The following EPN1 variants were observed in gnomAD, a reference collection of about 807,000 sequenced individuals.
EPN1 encodes epsin-1.
In EPN1, 25 loss-of-function variants were observed where a neutral mutation model predicts 56.9. The ratio of observed to expected loss-of-function variants is 0.44; its 90% CI spans 0.32 to 0.61. The LOEUF is 0.61. EPN1 is among the 20% of genes least tolerant of loss of function. The probability of loss-of-function intolerance (pLI) is 0.05; values close to 1 mark genes in which losing one functional copy is unlikely to be tolerated. For synonymous variants in EPN1, 411 were observed against 361.8 expected, an observed-to-expected ratio of 1.14 and a Z score of -1.54; for missense variants, 785 against 823.7, an observed-to-expected ratio of 0.95 and a Z score of 0.58.
rs1987323071 is a variant in EPN1, at chr19:55,704,931, TG to T, written c.*9577del. 1 of 152,230 alleles carries T rather than the reference TG, an allele frequency of 6.6e-6. No homozygotes were observed. The highest frequency in any genetic ancestry group is 1.5e-5 in the Non-Finnish European group (1 of 68,074). The allele number at this position is 152,230 out of a possible 1,614,324, so 9.4% of individuals were successfully genotyped here. ...ACATCATCCACTTCCCAAGCATCTC[TG>T]GCTGAATGCTGTTCTCATCCACTTC... On this transcript the variant is annotated 3_prime_UTR_variant, in exon 11 of 11. Transcript: ENST00000270460.
chr19:55,680,913 C>T (rs1031473862), intron 2 of EPN1: 10 of 152,484 alleles, frequency 6.6e-5, no homozygotes, highest in Non-Finnish European at 1.3e-4. Flanking sequence ...ACCATCCCTT[C>T]GCCACATGGT....
rs1331005532 is a variant in EPN1 at position 55,709,142 on chromosome 19, C to A, written c.*13786C>A. 2.5e-6 allele frequency: 2 copies of A among 796,652 alleles called. No individual in the cohort carries two copies. The highest frequency in any genetic ancestry group is 3.8e-5 in the Admixed American group (1 of 26,026). The allele number at this position is 796,652 out of a possible 1,614,324, so 49.3% of individuals were successfully genotyped here. A position where few individuals can be genotyped will look rare whatever the true frequency, so the allele number is the denominator to read the frequency against. The stretch of plus-strand genomic sequence containing the variant: ...GTCTACCTCTCCTCTCCTCTTTATT[C>A]TTTCCTAGAAATCACTGGGAGAATT... On this transcript the variant is annotated 3_prime_UTR_variant, in exon 11 of 11. Coordinates refer to ENST00000270460, the MANE Select transcript of EPN1 (RefSeq NM_001130072.2).
In EPN1 at chr19:55,702,072, G is replaced by C. The variant is rs976337271; in HGVS notation, c.*6716G>C. 1 of 148,562 alleles carries C rather than the reference G, an allele frequency of 6.7e-6. No individual in the cohort carries two copies. The highest frequency in any genetic ancestry group is 1.5e-5 in the Non-Finnish European group (1 of 67,768). 9.2% of individuals were successfully genotyped at this position (148,562 alleles called of 1,614,324 possible). ...CGCCTCCCAGGTTCAAGCAATTCTC[G>C]TGCCTCAGCCTCCCGCGTAGTCGGG... On this transcript the variant is annotated 3_prime_UTR_variant, in exon 11 of 11. Transcript: ENST00000270460.
chr19:55,689,448 C>T lies in EPN1; in HGVS notation c.678+77C>T. 1 of 1,103,232 alleles carries T rather than the reference C, an allele frequency of 9.1e-7. No homozygotes were observed. Among genetic ancestry groups the T allele is most frequent in the East Asian group, 2.6e-5 (1 of 38,720 alleles). 68.3% of individuals were successfully genotyped at this position (1,103,232 alleles called of 1,614,324 possible). On this transcript the variant is annotated intron_variant, in intron 5 of 10. Coordinates refer to ENST00000270460, the MANE Select transcript of EPN1 (RefSeq NM_001130072.2). This position sits in a 1 kb window ranked among gnomAD's most constrained non-coding sequence, Gnocchi z 5.7. The stretch of plus-strand genomic sequence containing the variant: ...GCCCCGTCGCCCCTTCCTAAGTCAC[C>T]CCCCACCATCCTGCTGGGCCCGAAG...
chr19:55,675,969 A>T (rs1437270382), intron 1 of EPN1, among the ~76,000 whole-genome samples: 1 of 151,704 alleles, frequency 6.6e-6, no homozygotes, highest in East Asian at 1.9e-4. Context: ...CCTTTTCCCC[A>T]GTTTTCTGAG....
In EPN1 at chr19:55,709,147, C is replaced by T. The variant is rs1370497864; in HGVS notation, c.*13791C>T. 1.8e-5 allele frequency: 13 copies of T among 731,116 alleles called. No homozygotes were observed. The highest frequency in any genetic ancestry group is 5.0e-5 in the South Asian group (2 of 40,036). The allele number at this position is 731,116 out of a possible 1,614,324, so 45.3% of individuals were successfully genotyped here. On this transcript the variant is annotated 3_prime_UTR_variant, in exon 11 of 11. Coordinates refer to ENST00000270460, the MANE Select transcript of EPN1 (RefSeq NM_001130072.2). ...CCTCTCCTCTCCTCTTTATTCTTTCCTAGAAATCACTGGGAGAATTGTACT... is the reference window on the plus strand; with the variant it reads ...CCTCTCCTCTCCTCTTTATTCTTTCTTAGAAATCACTGGGAGAATTGTACT...
In EPN1 at chr19:55,686,558, A is replaced by G. The variant is rs985656684; in HGVS notation, c.478+913A>G. Among the ~76,000 whole-genome samples, 19 of 152,212 alleles carry G rather than the reference A, an allele frequency of 1.2e-4. 1 individual carries two copies. The highest frequency in any genetic ancestry group is 1.2e-3 in the Admixed American group (19 of 15,282). ...GGACTGGACTTGTTTGGGGAAGTCT[A>G]GGCCTTCTGTTTGGACGGGTCTCAT... On this transcript the variant is annotated intron_variant, in intron 3 of 10. Coordinates refer to ENST00000270460, the MANE Select transcript of EPN1 (RefSeq NM_001130072.2).
chr19:55,688,849 C>G, intron 3 of EPN1, 21 bp from the exon 4 acceptor site: 3 of 1,569,576 alleles, frequency 1.9e-6, no homozygotes, highest in South Asian at 2.3e-5. Flanking sequence ...GGGTCTCACG[C>G]GTTTCTCACC....
At chr19:55,686,687 G>A (rs897699713) in intron 3 of EPN1, among the ~76,000 whole-genome samples, 8 of 152,128 alleles carry the variant, frequency 5.3e-5, no homozygotes, top group Admixed American at 1.3e-4. Flanking sequence ...GTAGATGGGC[G>A]TGAACGCAGA....
rs1290100835 is a variant in EPN1, at chr19:55,675,387, A to G, written c.-150A>G. On this transcript the variant is annotated 5_prime_UTR_variant, in exon 1 of 11. Coordinates refer to ENST00000270460, the MANE Select transcript of EPN1 (RefSeq NM_001130072.2). ...CCGCGACACCGAGGCCGAGCGGGGC[A>G]GGGGGCTGACCGCCATGACCCCCCA... 2.0e-5 allele frequency: 3 copies of G among 151,224 alleles called. No individual in the cohort carries two copies. The highest frequency in any genetic ancestry group is 3.9e-4 in the East Asian group (2 of 5,112). The allele number at this position is 151,224 out of a possible 1,614,324, so 9.4% of individuals were successfully genotyped here. A position where few individuals can be genotyped will look rare whatever the true frequency, so the allele number is the denominator to read the frequency against.
chr19:55,681,280 G>C (rs1353158540), intron 2 of EPN1, among the ~76,000 whole-genome samples: 1 of 152,174 alleles, frequency 6.6e-6, no homozygotes, highest in South Asian at 2.1e-4. Flanking sequence ...TGAAATCCAC[G>C]GTTACCCTGT....
At chr19:55,685,704 C>G in intron 3 of EPN1, 59 bp downstream of exon 3, 1 of 1,530,286 alleles carries the variant, frequency 6.5e-7, no homozygotes, top group Admixed American at 2.0e-5. Context: ...TACTGCGGCT[C>G]CCGGCACCCG....
intron 3 of EPN1, among the ~76,000 whole-genome samples, chr19:55,686,734 G>A (rs897269733): frequency 3.9e-5 from 6 of 152,082 alleles, no homozygotes; most frequent in South Asian, 2.1e-4. Flanking sequence ...CCGGTGTGGC[G>A]TGGGAGTGCT....
At position 55,694,414 on chromosome 19, in the gene EPN1, C is replaced by T. The variant is rs746143673; in HGVS notation, c.1265-312C>T. 24 of 315,346 alleles carry T rather than the reference C, an allele frequency of 7.6e-5. No individual in the cohort carries two copies. The highest frequency in any genetic ancestry group is 8.1e-5 in the Non-Finnish European group (14 of 173,568). 19.5% of individuals were successfully genotyped at this position (315,346 alleles called of 1,614,324 possible). On this transcript the variant is annotated intron_variant, in intron 9 of 10. Transcript: ENST00000270460. The surrounding 1 kb of genome is among the most constrained non-coding windows in gnomAD (Gnocchi z 4.2). Reference sequence around the variant, plus strand: ...TGAACACGCCCCCGCTGCCTTCCCCCGCGGGCCTATAGACCCTGGACGGCC... The same window carrying T: ...TGAACACGCCCCCGCTGCCTTCCCCTGCGGGCCTATAGACCCTGGACGGCC...
chr19:55,678,334 A>T (rs1304238873), intron 1 of EPN1, among the ~76,000 whole-genome samples, 193 bp from the exon 2 acceptor site: 6 of 152,194 alleles, frequency 3.9e-5, no homozygotes, highest in African/African-American at 9.7e-5. Context: ...ACTCTGCCTC[A>T]CTGAGCAGGG....
rs760180653 is a variant in EPN1 at position 55,692,700 on chromosome 19, A to G, written c.1081A>G (p.Ser361Gly). The G allele has an allele frequency of 1.9e-6, 3 of 1,548,148 alleles. No individual in the cohort carries two copies. In the Admixed American group the frequency reaches 5.9e-5, roughly 31 times the overall value. Reference sequence around the variant, plus strand: ...TCCTCACCCAGGTGGGGTCCCGGTCAGTGGGCCCTCAGCCTCCGATCCCTG... The same window carrying G: ...TCCTCACCCAGGTGGGGTCCCGGTCGGTGGGCCCTCAGCCTCCGATCCCTG... ...WGSSDGGVPVSGPSASDPWTP... is the reference protein window; with the variant it reads ...WGSSDGGVPVGGPSASDPWTP... Residue 361 changes from serine to glycine, a missense_variant, in exon 8 of 11, where the codon AGT becomes GGT. Ser to Gly is a moderately conservative substitution (Grantham distance 56). This residue lies in a region of EPN1 where 650 missense variants were observed against 605.0 expected (regional missense o/e 1.07). Coordinates refer to ENST00000270460, the MANE Select transcript of EPN1 (RefSeq NM_001130072.2).
rs57606788 is a variant in EPN1 at position 55,705,808 on chromosome 19, G to GATATATATATATATATATATATGTAT, written c.*10472_*10473insATGTATATATATATATATATATATAT. 1.9e-5 allele frequency: 2 copies of GATATATATATATATATATATATGTAT among 103,138 alleles called. No homozygotes were observed. The highest frequency in any genetic ancestry group is 2.9e-4 in the South Asian group (1 of 3,428). The allele number at this position is 103,138 out of a possible 1,614,324, so 6.4% of individuals were successfully genotyped here. On this transcript the variant is annotated 3_prime_UTR_variant, in exon 11 of 11. Transcript: ENST00000270460. ...GTGGCTGGAATATTTGTTGTTGTGG[G>GATATATATATATATATATATATGTAT]ATATATATATATATATATATTTAGA...
intron 2 of EPN1, among the ~76,000 whole-genome samples, chr19:55,680,026 CAG>C (rs1985706944): frequency 6.6e-6 from 1 of 152,108 alleles, no homozygotes; most frequent in East Asian, 1.9e-4. Flanking sequence ...GGGGCAGACA[CAG>C]AGTGGCCTGT....
Position 55,694,731 on chromosome 19 carries a change from C to G in EPN1, c.1270C>G (p.Leu424Val). The G allele has an allele frequency of 6.4e-7, 1 of 1,569,804 alleles. No homozygotes were observed. The change falls in exon 10 of 11, where the codon CTG (leucine) becomes GTG (valine). Residue 424 changes from leucine to valine, a missense_variant. Leu to Val is a conservative substitution (Grantham distance 32). This residue lies in a region of EPN1 where 650 missense variants were observed against 605.0 expected (regional missense o/e 1.07). Transcript: ENST00000270460. The surrounding 1 kb of genome is among the most constrained non-coding windows in gnomAD (Gnocchi z 4.2). ...LPTSGSSAGELELLAGEVPAR... is the reference protein window; with the variant it reads ...LPTSGSSAGEVELLAGEVPAR... Reference sequence around the variant, plus strand: ...CCTCTCCCGGATCCTTCCAGGAGAGCTGGAGCTGCTGGCAGGAGAGGTGCC... The same window carrying G: ...CCTCTCCCGGATCCTTCCAGGAGAGGTGGAGCTGCTGGCAGGAGAGGTGCC...
Sources: gnomAD v4.1 joint callset for allele counts (sites outside exome capture counted in the v4.1 genomes callset) on GRCh38, gnomAD v4.1.1 for gene constraint, gnomAD v4.1.1 regional missense constraint, Gnocchi (gnomAD v3.1) non-coding constraint, MANE v1.5 for transcripts, NCBI Gene and HGNC (gene_info 2026-07-23, HGNC 2026-07-21) for gene names.